The following CYYR1 variants were observed in gnomAD, a reference collection of about 807,000 sequenced individuals.
The protein encoded by CYYR1 is cysteine and tyrosine rich 1, also known as cysteine and tyrosine-rich protein 1.
In CYYR1, 14 loss-of-function variants were observed where a neutral mutation model predicts 15.2. That is an observed-to-expected ratio of 0.92 (90% CI 0.61 to 1.44). The LOEUF is 1.44. CYYR1 is among the 40% of genes most tolerant of loss of function. CYYR1 has a pLI of 0.00. For missense variants in CYYR1, 228 were observed against 209.5 expected, an observed-to-expected ratio of 1.09 and a Z score of -0.54; for synonymous variants, 80 against 77.4, an observed-to-expected ratio of 1.03 and a Z score of -0.18.
chr21:26,572,019 A>T (rs1188669082), intron 1 of CYYR1, among the ~76,000 whole-genome samples: 1 of 152,236 alleles, frequency 6.6e-6, no homozygotes, highest in Non-Finnish European at 1.5e-5. Context: ...CTTTTTGAGT[A>T]TCAAAGGTAA....
chr21:26,546,512 T>C (rs896383473), intron 2 of CYYR1, among the ~76,000 whole-genome samples: 6 of 152,188 alleles, frequency 3.9e-5, no homozygotes, highest in African/African-American at 1.2e-4. Context: ...AGCAATAATT[T>C]AACTATACAT....
In CYYR1 at chr21:26,468,558, T is replaced by G; in HGVS notation, c.411A>C (p.Pro137=). 1.2e-6 allele frequency: 2 copies of G among 1,612,648 alleles called. No individual in the cohort carries two copies. Among genetic ancestry groups the G allele is most frequent in the Middle Eastern group, 1.7e-4 (1 of 6,056 alleles). ...GTGGAGAACGCTGTGCTGGACCCTG[T>G]GGGGTGGGGGAGTATGGAGGAGGCA... ...ADLPPPYSPT[P]QGPAQRSPPP... The change falls in exon 4 of 4, where the codon CCA becomes CCC. Residue 137 remains proline (P), a synonymous_variant. Transcript: ENST00000652641.
intron 2 of CYYR1, among the ~76,000 whole-genome samples, chr21:26,545,564 A>ATTTTT (rs1555910241): frequency 2.4e-4 from 18 of 73,848 alleles, no homozygotes; most frequent in Non-Finnish European, 3.2e-4. Flanking sequence ...TAAGATGCTT[A>ATTTTT]TTCTTTTTTT....
intron 2 of CYYR1, among the ~76,000 whole-genome samples, chr21:26,492,024 G>A (rs2065335840): frequency 6.6e-6 from 1 of 152,182 alleles, no homozygotes; most frequent in African/African-American, 2.4e-5. Context: ...CTCCTCAAAT[G>A]TCTTGCTCAC....
At chr21:26,551,015 C>T (rs1979347338) in intron 2 of CYYR1, 1 of 152,650 alleles carries the variant, frequency 6.6e-6, no homozygotes, top group Non-Finnish European at 1.5e-5. Context: ...GACACTAATA[C>T]AGCTGCTGAC....
intron 2 of CYYR1, among the ~76,000 whole-genome samples, chr21:26,507,212 C>A (rs1001104132): frequency 2.6e-5 from 4 of 152,172 alleles, no homozygotes; most frequent in African/African-American, 9.7e-5. Context: ...CCAGTTACAA[C>A]AGCATATTAT....
intron 2 of CYYR1, among the ~76,000 whole-genome samples, chr21:26,530,909 G>C (rs1318649170): frequency 2.0e-5 from 3 of 152,092 alleles, no homozygotes; most frequent in Admixed American, 6.6e-5. Flanking sequence ...ATAAAAATGT[G>C]ACACTAGGAC....
At chr21:26,532,353 A>T (rs2065942613) in intron 2 of CYYR1, among the ~76,000 whole-genome samples, 1 of 152,134 alleles carries the variant, frequency 6.6e-6, no homozygotes, top group African/African-American at 2.4e-5. Context: ...ACAGGACAGG[A>T]AATCATGTCA....
chr21:26,547,580 A>G (rs560100852), intron 2 of CYYR1, among the ~76,000 whole-genome samples: 17 of 152,246 alleles, frequency 1.1e-4, no homozygotes, highest in African/African-American at 4.1e-4. Flanking sequence ...CTGTACCCCA[A>G]TGTGTGGTGG....
chr21:26,569,722 T>G (rs933266673), intron 1 of CYYR1, among the ~76,000 whole-genome samples: 2 of 152,234 alleles, frequency 1.3e-5, no homozygotes, highest in Non-Finnish European at 2.9e-5. Context: ...TTTTGAACCA[T>G]GTCCAGGACA....
At chr21:26,485,138 A>AT (rs905555292) in intron 2 of CYYR1, among the ~76,000 whole-genome samples, 3 of 151,812 alleles carry the variant, frequency 2.0e-5, no homozygotes, top group Non-Finnish European at 2.9e-5. Context: ...CAGGGAATGT[A>AT]TTTTTTTTAA....
intron 2 of CYYR1, among the ~76,000 whole-genome samples, chr21:26,494,904 A>G (rs902072436): frequency 1.6e-4 from 24 of 152,300 alleles, no homozygotes; most frequent in African/African-American, 5.8e-4. Context: ...TACCAGAGAG[A>G]AGATTTATGC....
chr21:26,528,296 C>G (rs1321821098), intron 2 of CYYR1, among the ~76,000 whole-genome samples: 1 of 152,012 alleles, frequency 6.6e-6, no homozygotes, highest in South Asian at 2.1e-4. Context: ...CTCCAAATCT[C>G]GTGTTGAAAT....
At chr21:26,555,394 C>A (rs1287626645) in intron 2 of CYYR1, among the ~76,000 whole-genome samples, 1 of 152,146 alleles carries the variant, frequency 6.6e-6, no homozygotes, top group Non-Finnish European at 1.5e-5. Context: ...TGGCTATTTG[C>A]AACCACAGGT....
chr21:26,503,780 A>T (rs751016141), intron 2 of CYYR1: 2 of 152,246 alleles, frequency 1.3e-5, no homozygotes, highest in Non-Finnish European at 2.9e-5. Flanking sequence ...GCTCAAGTAT[A>T]GGATGCAAAG....
At chr21:26,521,670 G>A (rs1288667367) in intron 2 of CYYR1, among the ~76,000 whole-genome samples, 1 of 152,120 alleles carries the variant, frequency 6.6e-6, no homozygotes, top group Non-Finnish European at 1.5e-5. Flanking sequence ...AGAGAATGGT[G>A]AGCAAAACAT....
chr21:26,551,946 T>C (rs1446740402), intron 2 of CYYR1: 4 of 153,220 alleles, frequency 2.6e-5, no homozygotes, highest in Non-Finnish European at 5.8e-5. Context: ...TCAACTGATG[T>C]AGCAGACTTC....
chr21:26,550,713 C>G (rs1335482845), intron 2 of CYYR1: 1 of 152,128 alleles, frequency 6.6e-6, no homozygotes, highest in Non-Finnish European at 1.5e-5. Flanking sequence ...AAGGAAAGTG[C>G]AGAAGGAAAG....
Position 26,539,140 on chromosome 21 carries a change from A to G in CYYR1, c.176+27126T>C, listed in dbSNP as rs181411360. ...AAAGATGCCAGAAATGCTGACTTTC[A>G]GAAGTTAGTTTAAAATAAAAATGAA... On this transcript the variant is annotated intron_variant, in intron 2 of 3. Coordinates refer to ENST00000652641, the MANE Select transcript of CYYR1 (RefSeq NM_001320768.2). Among the ~76,000 whole-genome samples the G allele has an allele frequency of 3.9e-5, 6 of 152,306 alleles. No individual in the cohort carries two copies. In the East Asian group the frequency reaches 5.8e-4, roughly 15 times the overall value.
Sources: gnomAD v4.1 joint callset for allele counts (sites outside exome capture counted in the v4.1 genomes callset) on GRCh38, gnomAD v4.1.1 for gene constraint, MANE v1.5 for transcripts, NCBI Gene and HGNC (gene_info 2026-07-23, HGNC 2026-07-21) for gene names.